Variants in VAV2 observed in about 807,000 individuals in gnomAD.
VAV2 encodes guanine nucleotide exchange factor VAV2.
In VAV2, 67 loss-of-function variants were observed where a neutral mutation model predicts 132.5. The observed-to-expected ratio is 0.51, with a 90% CI of 0.42 to 0.62. The LOEUF (loss-of-function observed/expected upper bound fraction) is 0.62, where lower values mean the gene tolerates loss of function less well. Ranked by LOEUF, VAV2 falls within the 20% of genes least tolerant of loss-of-function variation. The probability of loss-of-function intolerance (pLI) is 0.00; values close to 1 mark genes in which losing one functional copy is unlikely to be tolerated. For missense variants in VAV2, 938 were observed against 1,153.6 expected, an observed-to-expected ratio of 0.81 and a Z score of 2.71; for synonymous variants, 492 against 443.5, an observed-to-expected ratio of 1.11 and a Z score of -1.37.
intron 2 of VAV2, among the ~76,000 whole-genome samples, chr9:133,875,485 G>A (rs975251637): frequency 1.1e-4 from 17 of 152,216 alleles, no homozygotes; most frequent in African/African-American, 3.6e-4. Context: ...CAGAATTGTA[G>A]TCAGAGAGTC....
intron 12 of VAV2, among the ~76,000 whole-genome samples, chr9:133,792,270 G>A (rs1834514144): frequency 1.4e-5 from 2 of 144,290 alleles, no homozygotes; most frequent in Admixed American, 1.4e-4. Flanking sequence ...GTACTGGGTG[G>A]GGTGTGTGGT....
At chr9:133,825,853 T>C (rs1190597430) in intron 4 of VAV2, among the ~76,000 whole-genome samples, 1 of 152,132 alleles carries the variant, frequency 6.6e-6, no homozygotes, top group African/African-American at 2.4e-5. Context: ...TCACTCCCCA[T>C]GTAGAAAGAA....
At chr9:133,792,378 C>T (rs114431265) in intron 12 of VAV2, among the ~76,000 whole-genome samples, 7,525 of 126,948 alleles carry the variant, frequency 0.059, 263 homozygotes, top group Middle Eastern at 0.11. Flanking sequence ...TGTGTGTGAG[C>T]GGGCTGTGCT....
At chr9:133,775,113 A>G in intron 24 of VAV2, 62 bp from the exon 25 acceptor site, 2 of 1,406,872 alleles carry the variant, frequency 1.4e-6, no homozygotes, top group East Asian at 2.5e-5. Context: ...AGGGGTGCCC[A>G]GCCCTCCGTG....
chr9:133,946,346 C>T (rs1841358655), intron 1 of VAV2, among the ~76,000 whole-genome samples: 1 of 152,236 alleles, frequency 6.6e-6, no homozygotes, highest in South Asian at 2.1e-4. Flanking sequence ...ACCCCATGTG[C>T]TCCTTGCTGC....
chr9:133,785,749 CCTGGGGG>C lies in VAV2; in HGVS notation c.1532+20_1532+26del, dbSNP rs1564344143. 1 of 1,607,512 alleles carries C rather than the reference CCTGGGGG, an allele frequency of 6.2e-7. No homozygotes were observed. The highest frequency in any genetic ancestry group is 2.2e-5 in the East Asian group (1 of 44,830). On this transcript the variant is annotated intron_variant, in intron 17 of 29. Coordinates refer to ENST00000371850, the MANE Select transcript of VAV2 (RefSeq NM_001134398.2). ...CCCCATACAACTCATCTGCCAGGGA[CCTGGGGG>C]CTGCCGCCCTGGAACTCACATGGCC...
At chr9:133,846,213 G>A (rs1836928837) in intron 3 of VAV2, among the ~76,000 whole-genome samples, 1 of 152,216 alleles carries the variant, frequency 6.6e-6, no homozygotes, top group South Asian at 2.1e-4. Flanking sequence ...CTGGGAGCCA[G>A]GACCTCACAC....
chr9:133,988,438 G>A (rs1174538122), intron 1 of VAV2, among the ~76,000 whole-genome samples: 1 of 152,148 alleles, frequency 6.6e-6, no homozygotes, highest in African/African-American at 2.4e-5. Flanking sequence ...AGGAGTGGTG[G>A]GGTGATGGGG....
chr9:133,822,272 G>A (rs2486334), intron 4 of VAV2, among the ~76,000 whole-genome samples: 3,845 of 152,306 alleles, frequency 0.025, 157 homozygotes, highest in African/African-American at 0.088. Context: ...CACTGGCCCC[G>A]GGCTGTCTGA....
chr9:133,904,720 T>C (rs1285892359), intron 2 of VAV2, among the ~76,000 whole-genome samples: 1 of 152,232 alleles, frequency 6.6e-6, no homozygotes, highest in Non-Finnish European at 1.5e-5. Context: ...CCCCGCAAGC[T>C]TCTCAATGCA....
chr9:133,980,019 G>A lies in VAV2; in HGVS notation c.204+12056C>T, dbSNP rs533006015. On this transcript the variant is annotated intron_variant, in intron 1 of 29. Transcript: ENST00000371850. ...TTCTGCCTCTGCGGCTCAATGCCACGAGCCAGTGCGCGACACACAGAGTAG... is the reference window on the plus strand; with the variant it reads ...TTCTGCCTCTGCGGCTCAATGCCACAAGCCAGTGCGCGACACACAGAGTAG... Among the ~76,000 whole-genome samples the A allele has an allele frequency of 6.6e-5, 10 of 152,336 alleles. No homozygotes were observed. In the South Asian group the frequency reaches 1.2e-3, roughly 19 times the overall value.
chr9:133,790,007 C>T (rs1299789968), intron 13 of VAV2, among the ~76,000 whole-genome samples: 3 of 152,204 alleles, frequency 2.0e-5, no homozygotes, highest in Non-Finnish European at 4.4e-5. Context: ...AAGGTCTCAG[C>T]CCCAGAGGCT....
intron 2 of VAV2, among the ~76,000 whole-genome samples, chr9:133,899,788 G>A (rs1317154052): frequency 6.0e-5 from 9 of 150,052 alleles, no homozygotes; most frequent in Middle Eastern, 3.4e-3. Flanking sequence ...TTGGGAGGCC[G>A]AGGCGGGTGG....
chr9:133,929,119 G>A (rs1840585375), intron 2 of VAV2, among the ~76,000 whole-genome samples: 1 of 152,178 alleles, frequency 6.6e-6, no homozygotes, highest in Non-Finnish European at 1.5e-5. Flanking sequence ...GAGACCTGAA[G>A]CAACCTGTGG....
chr9:133,957,119 C>T (rs772547534), intron 1 of VAV2, among the ~76,000 whole-genome samples: 10 of 152,272 alleles, frequency 6.6e-5, no homozygotes, highest in South Asian at 2.1e-4. Flanking sequence ...GGTGCTCTCC[C>T]GGTTAGGATG....
Position 133,939,136 on chromosome 9 carries a change from G to T in VAV2, c.288C>A (p.Pro96=), listed in dbSNP as rs1181612121. The T allele has an allele frequency of 6.2e-7, 1 of 1,614,240 alleles. No individual in the cohort carries two copies. The highest frequency in any genetic ancestry group is 1.1e-5 in the South Asian group (1 of 91,088). The change falls in exon 2 of 30, where the codon CCC becomes CCA. Residue 96 remains proline (P), a synonymous_variant. Transcript: ENST00000371850. ...AGTCTCGCACATCGAAGAGGTCAAA[G>T]GGGTCAAACAGCTCGCTGTTCCTTA... The part of the protein sequence containing the change: ...FGLRNSELFD[P]FDLFDVRDFG...
chr9:133,829,461 G>C (rs1836180019), intron 4 of VAV2, among the ~76,000 whole-genome samples: 1 of 152,360 alleles, frequency 6.6e-6, no homozygotes, highest in East Asian at 1.9e-4. Flanking sequence ...ACGTGTGGCT[G>C]TCCGGCTCAC....
intron 2 of VAV2, among the ~76,000 whole-genome samples, chr9:133,875,013 C>T (rs1177234160): frequency 1.3e-5 from 2 of 152,180 alleles, no homozygotes; most frequent in Admixed American, 6.5e-5. Flanking sequence ...CCAGTCGGGG[C>T]AGAGCAGCCC....
chr9:133,811,875 G>C (rs1407272373), intron 5 of VAV2, among the ~76,000 whole-genome samples: 1 of 152,228 alleles, frequency 6.6e-6, no homozygotes, highest in African/African-American at 2.4e-5. Context: ...CATCTCCATA[G>C]AGAGGAAGGG....
Sources: gnomAD v4.1 joint callset for allele counts (sites outside exome capture counted in the v4.1 genomes callset) on GRCh38, gnomAD v4.1.1 for gene constraint, MANE v1.5 for transcripts, NCBI Gene and HGNC (gene_info 2026-07-23, HGNC 2026-07-21) for gene names.